Variants in PRICKLE1 observed in about 807,000 individuals in gnomAD.
The protein encoded by PRICKLE1 is prickle planar cell polarity protein 1, also known as prickle-like protein 1.
A neutral mutation model predicts 70.2 loss-of-function variants in PRICKLE1; 14 were observed. The ratio of observed to expected loss-of-function variants is 0.20; its 90% CI spans 0.13 to 0.31. The LOEUF (loss-of-function observed/expected upper bound fraction) is 0.31, where lower values mean the gene tolerates loss of function less well. PRICKLE1 is among the 10% of genes least tolerant of loss of function. The pLI, the probability that PRICKLE1 is intolerant of heterozygous loss-of-function variation, is 1.00. For missense variants in PRICKLE1, 821 were observed against 1,026.2 expected, an observed-to-expected ratio of 0.80 and a Z score of 2.73; for synonymous variants, 357 against 379.9, an observed-to-expected ratio of 0.94 and a Z score of 0.70.
intron 1 of PRICKLE1, among the ~76,000 whole-genome samples, chr12:42,504,509 G>A (rs1939370952): frequency 6.6e-6 from 1 of 152,192 alleles, no homozygotes; most frequent in African/African-American, 2.4e-5. Context: ...GTATGAGGGA[G>A]CTACTGTTGA....
chr12:42,502,779 T>C (rs761255376), intron 1 of PRICKLE1, among the ~76,000 whole-genome samples: 15 of 152,200 alleles, frequency 9.9e-5, no homozygotes, highest in Non-Finnish European at 1.8e-4. Flanking sequence ...TTTTTCTTTA[T>C]GGAGCTTTCA....
chr12:42,469,670 G>A, intron 3 of PRICKLE1, 83 bp from the exon 4 acceptor site: 1 of 1,579,354 alleles, frequency 6.3e-7, no homozygotes, highest in Non-Finnish European at 8.6e-7. Context: ...TAGGGTTTCA[G>A]GAAGTGAAAC....
intron 1 of PRICKLE1, among the ~76,000 whole-genome samples, chr12:42,499,236 A>C (rs1939261955): frequency 6.6e-6 from 1 of 152,216 alleles, no homozygotes; most frequent in South Asian, 2.1e-4. Flanking sequence ...AAGTAAGATA[A>C]ATTGTATAAA....
At chr12:42,587,446 C>G (rs965473528) in intron 1 of PRICKLE1, among the ~76,000 whole-genome samples, 1 of 152,206 alleles carries the variant, frequency 6.6e-6, no homozygotes, top group Admixed American at 6.5e-5. Context: ...AGTTCATCAG[C>G]AAGTGTGCAA....
At chr12:42,503,553 G>A (rs1260680658) in intron 1 of PRICKLE1, among the ~76,000 whole-genome samples, 2 of 152,138 alleles carry the variant, frequency 1.3e-5, no homozygotes, top group Admixed American at 6.6e-5. Context: ...ATGAGAGATG[G>A]TCTATTTGAG....
At position 42,464,441 on chromosome 12, in the gene PRICKLE1, T is replaced by C; in HGVS notation, c.1593A>G (p.Gln531=). The C allele has an allele frequency of 6.2e-7, 1 of 1,614,078 alleles. No individual in the cohort carries two copies. Residue 531 remains glutamine (Q), a synonymous_variant, in exon 7 of 8, where the codon CAA becomes CAG. Coordinates refer to ENST00000345127, the MANE Select transcript of PRICKLE1 (RefSeq NM_153026.3). The surrounding 1 kb of genome is among the most constrained non-coding windows in gnomAD (Gnocchi z 4.2). ...LECLSDLKPE[Q]SVRDSMDSLA... ...AAGAATCCATCGAATCCCGAACACT[T>C]TGCTCTGGTTTCAGGTCTGACAGAC...
In PRICKLE1 at chr12:42,468,844, G is replaced by C; in HGVS notation, c.385-15C>G. 1 of 1,611,842 alleles carries C rather than the reference G, an allele frequency of 6.2e-7. No homozygotes were observed. Among genetic ancestry groups the C allele is most frequent in the Non-Finnish European group, 8.5e-7 (1 of 1,178,156 alleles). On this transcript the variant is annotated splice_polypyrimidine_tract_variant and intron_variant, in intron 4 of 7. Coordinates refer to ENST00000345127, the MANE Select transcript of PRICKLE1 (RefSeq NM_153026.3). ...TTCAAACCACACTACAAACAAATGG[G>C]TTTGAATGTAAAAGGATCATTTTTT...
chr12:42,481,833 C>T (rs917236237), intron 1 of PRICKLE1, among the ~76,000 whole-genome samples: 2 of 151,206 alleles, frequency 1.3e-5, no homozygotes, highest in African/African-American at 4.8e-5. Flanking sequence ...AAAAGAGACA[C>T]TAAACTGTCA....
intron 1 of PRICKLE1, among the ~76,000 whole-genome samples, chr12:42,531,052 T>C: frequency 6.9e-6 from 1 of 144,984 alleles, no homozygotes; most frequent in Non-Finnish European, 1.5e-5. Flanking sequence ...GCTTTTTTTT[T>C]TTTTTTTTTT....
chr12:42,538,225 A>C (rs1940048547), intron 1 of PRICKLE1, among the ~76,000 whole-genome samples: 1 of 152,150 alleles, frequency 6.6e-6, no homozygotes, highest in Non-Finnish European at 1.5e-5. Flanking sequence ...TGGCTATTTA[A>C]ATTTAGATTT....
At chr12:42,559,460 A>G (rs1008768607) in intron 1 of PRICKLE1, among the ~76,000 whole-genome samples, 6 of 151,948 alleles carry the variant, frequency 3.9e-5, no homozygotes, top group African/African-American at 1.4e-4. Context: ...AGATCACTAT[A>G]GCATCAGACT....
At chr12:42,538,207 G>T (rs1191113817) in intron 1 of PRICKLE1, among the ~76,000 whole-genome samples, 1 of 152,074 alleles carries the variant, frequency 6.6e-6, no homozygotes, top group African/African-American at 2.4e-5. Flanking sequence ...GTAGCCATTA[G>T]GTCCATGTGG....
chr12:42,544,065 A>G (rs1042780059), intron 1 of PRICKLE1, among the ~76,000 whole-genome samples: 10 of 121,164 alleles, frequency 8.3e-5, no homozygotes, highest in African/African-American at 1.2e-4. Flanking sequence ...GAGAAGAAGG[A>G]AGAGAAGAAG....
intron 7 of PRICKLE1, among the ~76,000 whole-genome samples, chr12:42,462,045 G>A (rs1217697210): frequency 6.6e-6 from 1 of 152,034 alleles, no homozygotes; most frequent in Non-Finnish European, 1.5e-5. Flanking sequence ...TGATCTGCCC[G>A]CCTCGGTCTC....
chr12:42,574,282 C>G (rs1283681040), intron 1 of PRICKLE1, among the ~76,000 whole-genome samples: 1 of 152,166 alleles, frequency 6.6e-6, no homozygotes. Flanking sequence ...CTCCTTTCCA[C>G]CTCCCAACAA....
chr12:42,459,196 G>A lies in PRICKLE1; in HGVS notation c.*613C>T, dbSNP rs775224782. 1.1e-4 allele frequency: 73 copies of A among 680,092 alleles called. 1 individual carries two copies. The highest frequency in any genetic ancestry group is 1.6e-4 in the South Asian group (10 of 64,260). The allele number at this position is 680,092 out of a possible 1,614,324, so 42.1% of individuals were successfully genotyped here. ...CAGTATATACATTAATATTTGCACC[G>A]TTAAATTAGGAATACACTTAAGTCT... On this transcript the variant is annotated 3_prime_UTR_variant, in exon 8 of 8. Transcript: ENST00000345127.
chr12:42,530,890 C>T (rs1419500159), intron 1 of PRICKLE1, among the ~76,000 whole-genome samples: 5 of 150,704 alleles, frequency 3.3e-5, no homozygotes, highest in African/African-American at 7.3e-5. Context: ...AGGCTGGTCT[C>T]GAACTTCTGG....
intron 1 of PRICKLE1, among the ~76,000 whole-genome samples, chr12:42,486,347 C>G (rs1938990434): frequency 2.0e-5 from 3 of 152,138 alleles, no homozygotes; most frequent in Non-Finnish European, 2.9e-5. Flanking sequence ...TTCTCAGCAC[C>G]TAGAATGATG....
chr12:42,459,515 T>A lies in PRICKLE1; in HGVS notation c.*294A>T. The A allele has an allele frequency of 1.6e-6, 1 of 628,850 alleles. No individual in the cohort carries two copies. Among genetic ancestry groups the A allele is most frequent in the Non-Finnish European group, 2.8e-6 (1 of 352,954 alleles). The allele number at this position is 628,850 out of a possible 1,614,324, so 39.0% of individuals were successfully genotyped here. A position where few individuals can be genotyped will look rare whatever the true frequency, so the allele number is the denominator to read the frequency against. ...AACATCCAATCCCCTTCAGTCAGCA[T>A]CTTCAGTATTCCCTTGAGGACTGGA... is the stretch of plus-strand genomic sequence containing the variant. On this transcript the variant is annotated 3_prime_UTR_variant, in exon 8 of 8. Transcript: ENST00000345127.
Sources: gnomAD v4.1 joint callset for allele counts (sites outside exome capture counted in the v4.1 genomes callset) on GRCh38, gnomAD v4.1.1 for gene constraint, Gnocchi (gnomAD v3.1) non-coding constraint, MANE v1.5 for transcripts, NCBI Gene and HGNC (gene_info 2026-07-23, HGNC 2026-07-21) for gene names.